ANKRD26: variants seen among roughly 807,000 people sequenced by gnomAD.
ANKRD26 encodes the protein ankyrin repeat domain 26.
A neutral mutation model predicts 208.7 loss-of-function variants in ANKRD26; 141 were observed. The observed-to-expected ratio is 0.68, with a 90% CI of 0.59 to 0.78. ANKRD26 has a LOEUF of 0.78. Ranked by LOEUF, ANKRD26 falls within the 30% of genes least tolerant of loss-of-function variation. ANKRD26 has a pLI of 0.00. For missense variants in ANKRD26, 1,889 were observed against 1,938.7 expected (o/e 0.97, Z 0.48); for synonymous variants, 636 against 660.4 (o/e 0.96, Z 0.57).
chr10:27,008,324 AACAT>A, intron 32 of ANKRD26, among the ~76,000 whole-genome samples: 1 of 152,178 alleles, frequency 6.6e-6, no homozygotes, highest in Admixed American at 6.5e-5. Context: ...CTGTGACAAT[AACAT>A]TATAGATAGG....
chr10:27,053,122 AAAAC>A (rs555339899), intron 16 of ANKRD26, among the ~76,000 whole-genome samples, 194 bp downstream of exon 16: 91 of 152,328 alleles, frequency 6.0e-4, no homozygotes, highest in African/African-American at 2.2e-3. Flanking sequence ...AACAAAAACA[AAAAC>A]AAAAGATTAG....
chr10:26,978,676 C>G (rs1032654372), intron 5 of ANKRD26, among the ~76,000 whole-genome samples: 4 of 152,132 alleles, frequency 2.6e-5, no homozygotes, highest in Admixed American at 6.5e-5. Context: ...CTGGGATCCA[C>G]GCCCTGATGG....
intron 5 of ANKRD26, among the ~76,000 whole-genome samples, chr10:26,977,661 T>G (rs1589160644): frequency 6.6e-6 from 1 of 152,330 alleles, no homozygotes; most frequent in Non-Finnish European, 1.5e-5. Flanking sequence ...TATACAATGG[T>G]AGGCTAAATT....
downstream of ANKRD26, among the ~76,000 whole-genome samples, chr10:26,972,036 C>A (rs537967091): frequency 6.6e-6 from 1 of 152,066 alleles, no homozygotes; most frequent in South Asian, 2.1e-4. Context: ...GAGATCGAGA[C>A]CATCCTGGCT....
chr10:27,071,228 C>T (rs1247227916), intron 9 of ANKRD26, among the ~76,000 whole-genome samples: 11 of 139,106 alleles, frequency 7.9e-5, no homozygotes, highest in African/African-American at 3.1e-4. Context: ...TGCAGTGGCG[C>T]GATCTCGGCT....
chr10:27,093,643 A>G, intron 2 of ANKRD26, 42 bp downstream of exon 2: 1 of 1,600,242 alleles, frequency 6.2e-7, no homozygotes, highest in Non-Finnish European at 8.6e-7. Flanking sequence ...TATGTATTTA[A>G]GTCAAATCCA....
intron 16 of ANKRD26, among the ~76,000 whole-genome samples, chr10:27,050,244 A>AAAAAAAAAAAAG (rs2054605396): frequency 1.5e-5 from 2 of 134,198 alleles, no homozygotes; most frequent in East Asian, 2.0e-4. Context: ...AAAAAAAAAA[A>AAAAAAAAAAAAG]AAAGAAAGAA....
At chr10:27,079,051 C>G in intron 7 of ANKRD26, 38 bp downstream of exon 7, 1 of 1,543,880 alleles carries the variant, frequency 6.5e-7, no homozygotes, top group Non-Finnish European at 9.0e-7. Flanking sequence ...AAACTAGATT[C>G]AGAGTAAGAA....
At chr10:27,096,681 G>A (rs769001336) in intron 1 of ANKRD26, among the ~76,000 whole-genome samples, 2 of 150,080 alleles carry the variant, frequency 1.3e-5, no homozygotes, top group Non-Finnish European at 3.0e-5. Context: ...CACGAGAATT[G>A]CTTGAACCTG....
the ANKRD26 span, among the ~76,000 whole-genome samples, chr10:26,952,118 T>A: frequency 1.3e-5 from 2 of 152,190 alleles, no homozygotes; most frequent in Non-Finnish European, 2.9e-5. Context: ...ATGAAATTAT[T>A]CAAACTAGCC....
chr10:27,018,813 G>A (rs998116333), intron 29 of ANKRD26, among the ~76,000 whole-genome samples: 5 of 151,904 alleles, frequency 3.3e-5, no homozygotes, highest in Admixed American at 1.3e-4. Flanking sequence ...GACCCCTATC[G>A]AACACCATAT....
rs11015513 is a variant in ANKRD26 at position 27,086,672 on chromosome 10, T to A, written c.639-63A>T. 46,818 of 1,525,316 alleles carry A rather than the reference T, an allele frequency of 0.031. 1,361 individuals carry two copies. The highest frequency in any genetic ancestry group is 0.15 in the African/African-American group (10,839 of 72,670). 94.5% of individuals were successfully genotyped at this position (1,525,316 alleles called of 1,614,324 possible). ...TGATACAAAAAATATTTACCAAATA[T>A]CTCAAAATCTTGAGTATTTCAGCCA... On this transcript the variant is annotated intron_variant, in intron 4 of 33. Transcript: ENST00000376087.
In ANKRD26 at chr10:27,034,829, C is replaced by T. The variant is rs1252347103; in HGVS notation, c.3621G>A (p.Gln1207=). The T allele has an allele frequency of 6.2e-7, 1 of 1,609,936 alleles. No homozygotes were observed. Among genetic ancestry groups the T allele is most frequent in the African/African-American group, 1.3e-5 (1 of 74,848 alleles). ...CTGCCTTTTCATTTTCATATTGATA[C>T]TGTCTTTCTTTTAAGTGATTACATT... ...ISECNHLKER[Q]YQYENEKAER... Residue 1207 remains glutamine (Q), a synonymous_variant, in exon 24 of 34, where the codon CAG becomes CAA. Transcript: ENST00000376087.
the ANKRD26 span, among the ~76,000 whole-genome samples, chr10:26,953,357 G>A: frequency 1.3e-5 from 2 of 152,168 alleles, no homozygotes; most frequent in Admixed American, 6.5e-5. Flanking sequence ...CCAGAAGTTC[G>A]AGAGTTCGAG....
chr10:27,048,997 T>C lies in ANKRD26; in HGVS notation c.1636-18A>G. The C allele has an allele frequency of 6.4e-7, 1 of 1,558,080 alleles. No individual in the cohort carries two copies. Among genetic ancestry groups the C allele is most frequent in the Non-Finnish European group, 8.8e-7 (1 of 1,138,676 alleles). ...TCTTCAACCTTTAATGAAAGTTTGATACTAAGGAATTGCTATTACTTTATT... is the reference window on the plus strand; with the variant it reads ...TCTTCAACCTTTAATGAAAGTTTGACACTAAGGAATTGCTATTACTTTATT... On this transcript the variant is annotated intron_variant, in intron 16 of 33. Coordinates refer to ENST00000376087, the MANE Select transcript of ANKRD26 (RefSeq NM_014915.3).
rs73596345 is a variant in ANKRD26, at chr10:27,043,516, A to G, written c.2071T>C (p.Ser691Pro). Residue 691 changes from serine (S) to proline (P), a missense_variant, in exon 20 of 34, where the codon TCT becomes CCT. Around this residue, in one of 3 missense-constraint regions of ANKRD26, gnomAD observed 1,272 missense variants for 1,273.8 expected, o/e 1.00. Coordinates refer to ENST00000376087, the MANE Select transcript of ANKRD26 (RefSeq NM_014915.3). ...TCACAATCCTCTGAGGCTGTTTCAG[A>G]TGACTGAGTTAAGTCATCAACATCA... is the stretch of plus-strand genomic sequence containing the variant. The part of the protein sequence containing the change: ...MDDVDDLTQS[S>P]ETASEDCELP... The G allele has an allele frequency of 2.0e-3, 3,253 of 1,613,946 alleles. 70 individuals carry two copies. The African/African-American group carries it at 0.038, about 19-fold the overall frequency.
rs373811579 is a variant in ANKRD26 at position 27,100,461 on chromosome 10, T to C, written c.-135A>G. On this transcript the variant is annotated 5_prime_UTR_variant, in exon 1 of 34. Transcript: ENST00000376087. ...AACTCCGCGGTTTCCAATCTCTCCCTCCGGGTTACCAAGCAAGCGATCCCG... is the reference window on the plus strand; with the variant it reads ...AACTCCGCGGTTTCCAATCTCTCCCCCCGGGTTACCAAGCAAGCGATCCCG... 2.3e-6 allele frequency: 3 copies of C among 1,331,856 alleles called. No individual in the cohort carries two copies. The highest frequency in any genetic ancestry group is 1.5e-5 in the African/African-American group (1 of 68,256). 82.5% of individuals were successfully genotyped at this position (1,331,856 alleles called of 1,614,324 possible).
At chr10:27,016,143 G>A (rs113097839) in intron 30 of ANKRD26, among the ~76,000 whole-genome samples, 1,608 of 152,138 alleles carry the variant, frequency 0.011, 30 homozygotes, top group African/African-American at 0.037. Flanking sequence ...GCACCACCAT[G>A]CCTGGCTAAT....
chr10:27,034,683 T>C, intron 24 of ANKRD26, 113 bp downstream of exon 24: 1 of 670,648 alleles, frequency 1.5e-6, no homozygotes. Context: ...GTTTCTAAAC[T>C]GATAGAGTAA....
Sources: gnomAD v4.1 joint callset for allele counts (sites outside exome capture counted in the v4.1 genomes callset) on GRCh38, gnomAD v4.1.1 for gene constraint, gnomAD v4.1.1 regional missense constraint, MANE v1.5 for transcripts, NCBI Gene and HGNC (gene_info 2026-07-23, HGNC 2026-07-21) for gene names.